Variants in PAFAH2 observed in about 807,000 individuals in gnomAD.
The protein encoded by PAFAH2 is platelet activating factor acetylhydrolase 2, also known as platelet-activating factor acetylhydrolase 2, cytoplasmic.
Under a neutral mutation model 49.0 loss-of-function variants are expected in PAFAH2, and 42 were observed. That is an observed-to-expected ratio of 0.86 (90% CI 0.67 to 1.11). The LOEUF is 1.11. Among genes scored for constraint, PAFAH2 ranks in the 50% least tolerant of loss-of-function variants. The pLI is 0.00. For synonymous variants in PAFAH2, 184 were observed against 181.3 expected (o/e 1.01, Z -0.12); for missense variants, 503 against 501.8 (o/e 1.00, Z -0.02).
chr1:25,971,815 C>G (rs1313373200), intron 10 of PAFAH2, among the ~76,000 whole-genome samples: 2 of 152,230 alleles, frequency 1.3e-5, no homozygotes, highest in Non-Finnish European at 2.9e-5. Context: ...TTTAGCTGCT[C>G]TATGACTGAT....
intron 4 of PAFAH2, among the ~76,000 whole-genome samples, chr1:25,986,334 A>C (rs1225870633): frequency 6.6e-6 from 1 of 152,198 alleles, no homozygotes; most frequent in Non-Finnish European, 1.5e-5. Context: ...CCAGGCAAAA[A>C]GATCAGCCAC....
Position 25,989,475 on chromosome 1 carries a change from C to A in PAFAH2, c.217G>T (p.Gly73Trp), listed in dbSNP as rs201741897. The A allele has an allele frequency of 1.9e-6, 3 of 1,608,464 alleles. No individual in the cohort carries two copies. The South Asian group carries it at 3.3e-5, about 18-fold the overall frequency. ...AEYLQFNKRC[G>W]GLLFNLAVGS... Reference sequence around the variant, plus strand: ...ACCGCCAGGTTGAACAGCAAGCCCCCGCAGCGCTTATTAAACTGCAGGTAC... The same window carrying A: ...ACCGCCAGGTTGAACAGCAAGCCCCAGCAGCGCTTATTAAACTGCAGGTAC... The change falls in exon 3 of 11, where the codon GGG (glycine) becomes TGG (tryptophan). Residue 73 changes from glycine to tryptophan, a missense_variant. Coordinates refer to ENST00000374282, the MANE Select transcript of PAFAH2 (RefSeq NM_000437.4).
At chr1:25,981,094 C>G (rs749585720) in intron 7 of PAFAH2, among the ~76,000 whole-genome samples, 4 of 151,936 alleles carry the variant, frequency 2.6e-5, no homozygotes, top group Non-Finnish European at 5.9e-5. Context: ...GACCCTGTCT[C>G]TAAAAAAATT....
At position 25,961,958 on chromosome 1, in the gene PAFAH2, C is replaced by T. The variant is rs759051907; in HGVS notation, c.*31G>A. The T allele has an allele frequency of 1.1e-5, 18 of 1,578,282 alleles. No homozygotes were observed. In the African/African-American group the frequency reaches 2.4e-4, roughly 21 times the overall value. On this transcript the variant is annotated 3_prime_UTR_variant, in exon 11 of 11. Coordinates refer to ENST00000374282, the MANE Select transcript of PAFAH2 (RefSeq NM_000437.4). ...GGGTAGCTCCCAAATGAAAACTTGG[C>T]TGAAGTGACTTTACAAATGGCCAGT... is the stretch of plus-strand genomic sequence containing the variant.
intron 10 of PAFAH2, among the ~76,000 whole-genome samples, chr1:25,967,446 C>T (rs1475801321): frequency 6.6e-6 from 1 of 152,104 alleles, no homozygotes; most frequent in African/African-American, 2.4e-5. Context: ...CTGGGCCCCG[C>T]AAGCAGCACA....
chr1:25,967,365 T>C (rs1203877407), intron 10 of PAFAH2, among the ~76,000 whole-genome samples: 2 of 152,086 alleles, frequency 1.3e-5, no homozygotes, highest in African/African-American at 2.4e-5. Flanking sequence ...CTAAGTAGAG[T>C]TGGGGAGCAG....
chr1:25,979,595 C>A (rs1050740042), intron 7 of PAFAH2, among the ~76,000 whole-genome samples: 3 of 152,150 alleles, frequency 2.0e-5, no homozygotes, highest in Non-Finnish European at 2.9e-5. Context: ...ACAAGCGATT[C>A]TCCTGCCTCA....
chr1:25,997,819 G>A (rs2049957220), intron 1 of PAFAH2, among the ~76,000 whole-genome samples: 2 of 152,148 alleles, frequency 1.3e-5, no homozygotes, highest in South Asian at 4.1e-4. Flanking sequence ...GGGGATTCCA[G>A]GGGCACTGGC....
chr1:25,984,446 G>A lies in PAFAH2; in HGVS notation c.410+14C>T, dbSNP rs377034426. 4.2e-5 allele frequency: 67 copies of A among 1,607,496 alleles called. No individual in the cohort carries two copies. The highest frequency in any genetic ancestry group is 5.1e-5 in the Non-Finnish European group (60 of 1,174,726). Reference sequence around the variant, plus strand: ...TCACTGCAGGCACCCAATCCATGGCGGCTCATCCCTCACCTGTGCTCTGGC... The same window carrying A: ...TCACTGCAGGCACCCAATCCATGGCAGCTCATCCCTCACCTGTGCTCTGGC... On this transcript the variant is annotated intron_variant, in intron 5 of 10. Coordinates refer to ENST00000374282, the MANE Select transcript of PAFAH2 (RefSeq NM_000437.4).
chr1:25,992,626 G>A (rs1190866404), intron 1 of PAFAH2, among the ~76,000 whole-genome samples: 1 of 152,166 alleles, frequency 6.6e-6, no homozygotes, highest in Admixed American at 6.5e-5. Flanking sequence ...TTTTACAGAT[G>A]AGGAAACAGA....
chr1:25,979,006 T>C (rs1227406806), intron 7 of PAFAH2, among the ~76,000 whole-genome samples: 1 of 152,246 alleles, frequency 6.6e-6, no homozygotes, highest in African/African-American at 2.4e-5. Flanking sequence ...TCATGCTGCA[T>C]GTGTGCAGGT....
At position 25,962,025 on chromosome 1, in the gene PAFAH2, G is replaced by A. The variant is rs1248203225; in HGVS notation, c.1143C>T (p.Leu381=). ...NNLIEGIGPS[L]TPGAPHHLSS... ...ACAGATGGTGGGGGGCCCCTGGGGT[G>A]AGCGACGGTCCAATGCCTTCAATAA... Residue 381 remains leucine, a synonymous_variant, in exon 11 of 11, where the codon CTC becomes CTT. Transcript: ENST00000374282. The A allele has an allele frequency of 3.1e-6, 5 of 1,613,918 alleles. No individual in the cohort carries two copies. The highest frequency in any genetic ancestry group is 1.7e-5 in the Admixed American group (1 of 59,994).
intron 5 of PAFAH2, 149 bp downstream of exon 5, chr1:25,984,311 A>G (rs1557526028): frequency 4.0e-6 from 3 of 752,526 alleles, no homozygotes; most frequent in Non-Finnish European, 6.5e-6. Context: ...ATTATTTAAC[A>G]TCTTTAAACC....
At position 25,962,084 on chromosome 1, in the gene PAFAH2, CTGAA is replaced by C; in HGVS notation, c.1085-5_1085-2del. On this transcript the variant is annotated splice_acceptor_variant and splice_polypyrimidine_tract_variant and intron_variant, in intron 10 of 10. Coordinates refer to ENST00000374282, the MANE Select transcript of PAFAH2 (RefSeq NM_000437.4). LOFTEE classifies it high-confidence loss of function. ...CATTGATTATAGTCTTCTTTCAGGT[CTGAA>C]AAGGAAAAAAACAGGAACATTAGGC... is the stretch of plus-strand genomic sequence containing the variant. 6.2e-7 allele frequency: 1 copy of C among 1,609,916 alleles called. No individual in the cohort carries two copies. The highest frequency in any genetic ancestry group is 8.5e-7 in the Non-Finnish European group (1 of 1,177,716).
intron 8 of PAFAH2, among the ~76,000 whole-genome samples, chr1:25,976,335 G>A (rs1355629942): frequency 6.6e-6 from 1 of 151,874 alleles, no homozygotes; most frequent in Non-Finnish European, 1.5e-5. Context: ...TGTAGAGATG[G>A]GGTCTTGTGA....
intron 9 of PAFAH2, among the ~76,000 whole-genome samples, chr1:25,973,605 T>C (rs1468704910): frequency 6.6e-6 from 1 of 152,096 alleles, no homozygotes; most frequent in African/African-American, 2.4e-5. Flanking sequence ...TCTACTGCCA[T>C]GAAACCTAAC....
Position 25,984,491 on chromosome 1 carries a change from G to GT in PAFAH2, c.378dup (p.Arg127ThrfsTer33). 1 of 1,613,846 alleles carries GT rather than the reference G, an allele frequency of 6.2e-7. No individual in the cohort carries two copies. Among genetic ancestry groups the GT allele is most frequent in the African/African-American group, 1.3e-5 (1 of 74,996 alleles). ...TCTGGCACAGCAACCACAAAGCCACGTGAGGCCAGCTCCATGCAGAAGGCT... is the reference window on the plus strand; with the variant it reads ...TCTGGCACAGCAACCACAAAGCCACGTTGAGGCCAGCTCCATGCAGAAGGCT... On this transcript the variant is annotated frameshift_variant, in exon 5 of 11. Transcript: ENST00000374282. LOFTEE classifies it high-confidence loss of function.
chr1:25,988,315 A>G lies in PAFAH2; in HGVS notation c.257T>C (p.Leu86Pro). The G allele has an allele frequency of 6.2e-7, 1 of 1,611,432 alleles. No homozygotes were observed. The highest frequency in any genetic ancestry group is 1.7e-4 in the Middle Eastern group (1 of 6,050). The change falls in exon 4 of 11, where the codon CTG (leucine) becomes CCG (proline). Residue 86 changes from leucine (L) to proline (P), a missense_variant. Coordinates refer to ENST00000374282, the MANE Select transcript of PAFAH2 (RefSeq NM_000437.4). ...AAAGGGGCCATTCCAGCTAACAGGC[A>G]GGCGACAAGATCCTAGCAGAGACAT... ...LFNLAVGSCR[L>P]PVSWNGPFKT... is the part of the protein sequence containing the mutation.
chr1:25,979,317 GCC>G (rs59454610), intron 7 of PAFAH2, among the ~76,000 whole-genome samples: 78,936 of 145,758 alleles, frequency 0.54, 23,786 homozygotes, highest in East Asian at 0.71. Context: ...ATTTACCAAT[GCC>G]TTTTTTTTTT....
Sources: allele counts gnomAD v4.1 joint callset (sites outside exome capture counted in the v4.1 genomes callset), GRCh38; gene constraint gnomAD v4.1.1; transcripts MANE v1.5; gene names NCBI Gene and HGNC (gene_info 2026-07-23, HGNC 2026-07-21).